COL23A1: variants seen among roughly 807,000 people sequenced by gnomAD.
The protein encoded by COL23A1 is collagen alpha-1(XXIII) chain.
Under a neutral mutation model 99.3 loss-of-function variants are expected in COL23A1, and 97 were observed. The ratio of observed to expected loss-of-function variants is 0.98; its 90% CI spans 0.83 to 1.16. The LOEUF (loss-of-function observed/expected upper bound fraction) is 1.16. COL23A1 is among the 50% of genes most tolerant of loss of function. The pLI is 0.00. For synonymous variants in COL23A1, 320 were observed against 308.2 expected, an observed-to-expected ratio of 1.04 and a Z score of -0.40; for missense variants, 762 against 757.4, an observed-to-expected ratio of 1.01 and a Z score of -0.07.
intron 3 of COL23A1, among the ~76,000 whole-genome samples, chr5:178,298,632 G>C (rs1757873796): frequency 6.6e-6 from 1 of 152,112 alleles, no homozygotes; most frequent in South Asian, 2.1e-4. Flanking sequence ...GGTCCTGATT[G>C]AGCCTCTCTT....
rs781075086 is a variant in COL23A1 at position 178,254,991 on chromosome 5, T to C, written c.918A>G (p.Thr306=). ...TCCTGCCATCATAGTCGATCACCACTGTGTCTCCCTGCTCGCCCTTGAGGC... is the reference window on the plus strand; with the variant it reads ...TCCTGCCATCATAGTCGATCACCACCGTGTCTCCCTGCTCGCCCTTGAGGC... ...APGLKGEQGD[T]VVIDYDGRIL... Residue 306 remains threonine (T), a synonymous_variant, in exon 16 of 29, where the codon ACA becomes ACG. Coordinates refer to ENST00000390654, the MANE Select transcript of COL23A1 (RefSeq NM_173465.4). The C allele has an allele frequency of 1.2e-6, 2 of 1,613,376 alleles. No individual in the cohort carries two copies. Among genetic ancestry groups the C allele is most frequent in the Admixed American group, 1.7e-5 (1 of 59,944 alleles).
chr5:178,382,397 G>A (rs570015373), intron 2 of COL23A1, among the ~76,000 whole-genome samples: 1 of 152,126 alleles, frequency 6.6e-6, no homozygotes, highest in South Asian at 2.1e-4. Context: ...GAAAGGATGA[G>A]AATCATGTTG....
At position 178,259,712 on chromosome 5, in the gene COL23A1, C is replaced by A; in HGVS notation, c.729+9G>T. The A allele has an allele frequency of 1.2e-6, 2 of 1,602,138 alleles. No individual in the cohort carries two copies. The highest frequency in any genetic ancestry group is 1.7e-6 in the Non-Finnish European group (2 of 1,172,444). ...CTGACCCGGAAGCTCCTCCATTGGC[C>A]CCTCTCACCTTCTTTCCAGGTACTC... On this transcript the variant is annotated intron_variant, in intron 12 of 28. Transcript: ENST00000390654.
chr5:178,415,361 C>T lies in COL23A1; in HGVS notation c.362-108442G>A, dbSNP rs1328844031. On this transcript the variant is annotated intron_variant, in intron 2 of 28. Coordinates refer to ENST00000390654, the MANE Select transcript of COL23A1 (RefSeq NM_173465.4). The surrounding 1 kb of genome is among the most constrained non-coding windows in gnomAD (Gnocchi z 4.6). ...GCCACCAGGCTGAGTAAACACTGTG[C>T]TCCAAATCAGTCGAACGTCTAAAAA... is the stretch of plus-strand genomic sequence containing the variant. Among the ~76,000 whole-genome samples, 1 of 152,180 alleles carries T rather than the reference C, an allele frequency of 6.6e-6. No individual in the cohort carries two copies. The highest frequency in any genetic ancestry group is 2.4e-5 in the African/African-American group (1 of 41,444).
At chr5:178,342,302 C>T (rs1440933632) in intron 2 of COL23A1, among the ~76,000 whole-genome samples, 2 of 152,220 alleles carry the variant, frequency 1.3e-5, no homozygotes, top group Non-Finnish European at 2.9e-5. Flanking sequence ...TATGTGGAAT[C>T]GCTAGCACCA....
chr5:178,371,317 A>G, intron 2 of COL23A1, among the ~76,000 whole-genome samples: 1 of 152,188 alleles, frequency 6.6e-6, no homozygotes, highest in Non-Finnish European at 1.5e-5. Flanking sequence ...CCAGGCCTAG[A>G]GGGTGAGAGG....
At chr5:178,372,910 CTTTCTTTCTCTTTTTCTTTCTTTTTTTT>C (rs68161440) in intron 2 of COL23A1, among the ~76,000 whole-genome samples, 57,779 of 150,936 alleles carry the variant, frequency 0.38, 11,939 homozygotes, top group African/African-American at 0.54. Flanking sequence ...TTTTCTTTTT[CTTTCTTTCTCTTTTTCTTTCTTTTTTTT>C]TTTTTTTTTG....
chr5:178,546,687 A>C (rs1198200961), intron 2 of COL23A1, among the ~76,000 whole-genome samples: 1 of 152,238 alleles, frequency 6.6e-6, no homozygotes, highest in African/African-American at 2.4e-5. Flanking sequence ...GGGAAAACAG[A>C]AAACTGTCCA....
intron 5 of COL23A1, among the ~76,000 whole-genome samples, chr5:178,274,244 C>T (rs566905091): frequency 6.6e-6 from 1 of 152,328 alleles, no homozygotes; most frequent in East Asian, 1.9e-4. Context: ...CTGAGTCACG[C>T]AAAGCAACTG....
intron 2 of COL23A1, chr5:178,345,288 C>T (rs181138159): frequency 5.4e-5 from 35 of 648,192 alleles, no homozygotes; most frequent in Admixed American, 1.1e-4. Context: ...AGTAATCTGC[C>T]CCCTAGTTTG....
chr5:178,515,678 C>A (rs1451592145), intron 2 of COL23A1, among the ~76,000 whole-genome samples: 1 of 152,170 alleles, frequency 6.6e-6, no homozygotes, highest in African/African-American at 2.4e-5. Flanking sequence ...CTCTGCTGGA[C>A]CCTAGGTCTA....
intron 2 of COL23A1, among the ~76,000 whole-genome samples, chr5:178,392,729 AAT>A (rs1764032842): frequency 6.6e-6 from 1 of 152,208 alleles, no homozygotes; most frequent in South Asian, 2.1e-4. Flanking sequence ...TTGCAAATGT[AAT>A]AGTGAGACCC....
At chr5:178,269,417 A>C (rs1756118650) in intron 6 of COL23A1, among the ~76,000 whole-genome samples, 1 of 100,672 alleles carries the variant, frequency 9.9e-6, no homozygotes, top group Admixed American at 1.1e-4. Context: ...CCATCCATCC[A>C]CCCGTCCATC....
intron 2 of COL23A1, among the ~76,000 whole-genome samples, chr5:178,494,255 T>C (rs1055799378): frequency 4.3e-4 from 65 of 152,288 alleles, no homozygotes; most frequent in African/African-American, 1.4e-3. Flanking sequence ...AGATTTTGGT[T>C]CAGGAGACAC....
At position 178,308,067 on chromosome 5, in the gene COL23A1, ATG is replaced by A. The variant is rs1292539672; in HGVS notation, c.362-1150_362-1149del. On this transcript the variant is annotated intron_variant, in intron 2 of 28. Coordinates refer to ENST00000390654, the MANE Select transcript of COL23A1 (RefSeq NM_173465.4). The surrounding 1 kb of genome is among the most constrained non-coding windows in gnomAD (Gnocchi z 5.1). ...TCTCTATGTATGTGTGTTTGTGTGCATGTGTGTGTCTGTGTTTTTGTGTCTGT... is the reference window on the plus strand; with the variant it reads ...TCTCTATGTATGTGTGTTTGTGTGCATGTGTGTCTGTGTTTTTGTGTCTGT... Among the ~76,000 whole-genome samples the A allele has an allele frequency of 1.3e-5, 2 of 151,156 alleles. No individual in the cohort carries two copies. Among genetic ancestry groups the A allele is most frequent in the African/African-American group, 2.4e-5 (1 of 40,846 alleles).
chr5:178,260,520 C>T (rs1765569842), intron 11 of COL23A1, among the ~76,000 whole-genome samples: 1 of 152,190 alleles, frequency 6.6e-6, no homozygotes, highest in Non-Finnish European at 1.5e-5. Context: ...GGTGGCCGGG[C>T]ACGGTGGCTC....
intron 2 of COL23A1, among the ~76,000 whole-genome samples, chr5:178,402,545 G>A (rs910284451): frequency 2.0e-5 from 3 of 152,068 alleles, no homozygotes; most frequent in Non-Finnish European, 4.4e-5. Context: ...TTTCAAAATA[G>A]CTAGAAAAGA....
chr5:178,392,964 A>C (rs1764044839), intron 2 of COL23A1, among the ~76,000 whole-genome samples: 1 of 152,196 alleles, frequency 6.6e-6, no homozygotes, highest in Non-Finnish European at 1.5e-5. Context: ...GCCCTCCCTC[A>C]CTGGGTGCTC....
chr5:178,295,384 A>C (rs1757685529), intron 3 of COL23A1, among the ~76,000 whole-genome samples: 1 of 152,256 alleles, frequency 6.6e-6, no homozygotes, highest in Admixed American at 6.5e-5. Flanking sequence ...AACGAGGATT[A>C]ACTTTTGTAG....
Sources: gnomAD v4.1 joint callset for allele counts (sites outside exome capture counted in the v4.1 genomes callset) on GRCh38, gnomAD v4.1.1 for gene constraint, Gnocchi (gnomAD v3.1) non-coding constraint, MANE v1.5 for transcripts, NCBI Gene and HGNC (gene_info 2026-07-23, HGNC 2026-07-21) for gene names.